CCDC169: variants seen among roughly 807,000 people sequenced by gnomAD.
CCDC169 encodes coiled-coil domain containing 169, also known as coiled-coil domain-containing protein 169.
A neutral mutation model predicts 36.0 loss-of-function variants in CCDC169; 30 were observed. The observed-to-expected ratio is 0.83, with a 90% CI of 0.62 to 1.13. The LOEUF is 1.13. Among genes scored for constraint, CCDC169 ranks in the 50% most tolerant of loss-of-function variants. The pLI is 0.00. For synonymous variants in CCDC169, 85 were observed against 81.5 expected (o/e 1.04, Z -0.23); for missense variants, 245 against 245.9 (o/e 1.00, Z 0.03).
intron 4 of CCDC169, among the ~76,000 whole-genome samples, chr13:36,270,795 A>G (rs1045477362): frequency 2.6e-5 from 4 of 152,138 alleles, no homozygotes; most frequent in Admixed American, 6.5e-5. Context: ...AGACTTACAT[A>G]TAAGATCTGA....
At chr13:36,262,768 G>T (rs142221580) in intron 4 of CCDC169, among the ~76,000 whole-genome samples, 1 of 152,314 alleles carries the variant, frequency 6.6e-6, no homozygotes, top group African/African-American at 2.4e-5. Context: ...TAGTGGCCTT[G>T]CTTTCTTGAA....
chr13:36,254,275 C>CTT (rs1368470201), intron 4 of CCDC169, 132 bp from the exon 5 acceptor site: 824 of 364,308 alleles, frequency 2.3e-3, no homozygotes, highest in Middle Eastern at 4.3e-3. Flanking sequence ...ATGATATGTA[C>CTT]TTTTTTTTTT....
At position 36,231,048 on chromosome 13, in the gene CCDC169, C is replaced by A; in HGVS notation, c.*145G>T. 7.0e-7 allele frequency: 1 copy of A among 1,420,480 alleles called. No individual in the cohort carries two copies. The highest frequency in any genetic ancestry group is 1.6e-5 in the South Asian group (1 of 62,802). 88.0% of individuals were successfully genotyped at this position (1,420,480 alleles called of 1,614,324 possible). On this transcript the variant is annotated 3_prime_UTR_variant, in exon 8 of 8. Transcript: ENST00000239859. ...TTACTTTTATGCAGACAAAGGAACA[C>A]ACGTCTGGAAAAGGAACTAAAGAAA...
intron 7 of CCDC169, among the ~76,000 whole-genome samples, chr13:36,232,131 T>C (rs1463838879): frequency 1.3e-5 from 2 of 152,198 alleles, no homozygotes; most frequent in African/African-American, 4.8e-5. Flanking sequence ...ACTTGCCCTA[T>C]GCCTATCCAC....
intron 4 of CCDC169, among the ~76,000 whole-genome samples, chr13:36,261,233 A>T (rs572246819): frequency 2.6e-4 from 40 of 152,134 alleles, no homozygotes; most frequent in Non-Finnish European, 4.6e-4. Context: ...AGTGGCTGAG[A>T]TGGCGACTTT....
intron 4 of CCDC169, among the ~76,000 whole-genome samples, chr13:36,256,093 C>A (rs1177366126): frequency 6.6e-6 from 1 of 152,180 alleles, no homozygotes; most frequent in East Asian, 1.9e-4. Context: ...CTTGGCTGGG[C>A]AGCTGTGCAG....
chr13:36,235,202 C>A (rs1257071558), intron 7 of CCDC169, among the ~76,000 whole-genome samples: 2 of 151,814 alleles, frequency 1.3e-5, no homozygotes, highest in East Asian at 3.9e-4. Context: ...ACCACTGAGA[C>A]CAAGACCAGA....
intron 4 of CCDC169, among the ~76,000 whole-genome samples, chr13:36,264,682 T>TA (rs1875049123): frequency 1.3e-5 from 2 of 152,314 alleles, no homozygotes; most frequent in South Asian, 2.1e-4. Flanking sequence ...CTTTGTGACT[T>TA]AGACTATATC....
intron 7 of CCDC169, among the ~76,000 whole-genome samples, chr13:36,248,336 C>T (rs1265765611): frequency 6.6e-6 from 1 of 151,760 alleles, no homozygotes; most frequent in Non-Finnish European, 1.5e-5. Flanking sequence ...GTTTTAAGTT[C>T]TCCTAGGTAC....
chr13:36,241,541 A>G (rs1256662400), intron 7 of CCDC169, among the ~76,000 whole-genome samples: 4 of 145,948 alleles, frequency 2.7e-5, no homozygotes, highest in Non-Finnish European at 6.0e-5. Flanking sequence ...CAATACTGAG[A>G]ATTATCCATA....
chr13:36,257,196 G>A (rs1874003533), intron 4 of CCDC169, among the ~76,000 whole-genome samples: 1 of 152,172 alleles, frequency 6.6e-6, no homozygotes, highest in Admixed American at 6.5e-5. Context: ...GCAATGCCTT[G>A]GGGGAGTGGA....
intron 7 of CCDC169, among the ~76,000 whole-genome samples, chr13:36,239,378 G>C (rs1202231941): frequency 6.6e-6 from 1 of 152,088 alleles, no homozygotes; most frequent in Non-Finnish European, 1.5e-5. Context: ...GTCAGTCATG[G>C]TCAACACAGT....
At chr13:36,282,651 A>G (rs1452507243) in intron 4 of CCDC169, 1 of 486,688 alleles carries the variant, frequency 2.1e-6, no homozygotes, top group Admixed American at 6.4e-5. Flanking sequence ...GTGGAGAAAT[A>G]TAATTCTCTG....
At chr13:36,263,894 T>A (rs1874921158) in intron 4 of CCDC169, among the ~76,000 whole-genome samples, 1 of 152,156 alleles carries the variant, frequency 6.6e-6, no homozygotes, top group African/African-American at 2.4e-5. Context: ...GAAGGGATAA[T>A]CAGGGGGTGA....
At position 36,278,506 on chromosome 13, in the gene CCDC169, C is replaced by A. The variant is rs554253501; in HGVS notation, c.315+4963G>T. Among the ~76,000 whole-genome samples, 9 of 152,256 alleles carry A rather than the reference C, an allele frequency of 5.9e-5. No homozygotes were observed. The South Asian group carries it at 1.9e-3, about 32-fold the overall frequency. On this transcript the variant is annotated intron_variant, in intron 4 of 7. Coordinates refer to ENST00000239859, the MANE Select transcript of CCDC169 (RefSeq NM_001144981.3). ...CTTTCTTCGCTTTTGAATAATTTGC[C>A]TGAACTCTGGACAACGTGTTTTATC...
At chr13:36,291,906 T>C (rs1476786781) in intron 2 of CCDC169, among the ~76,000 whole-genome samples, 1 of 152,180 alleles carries the variant, frequency 6.6e-6, no homozygotes, top group Non-Finnish European at 1.5e-5. Flanking sequence ...CCAAAGGTAT[T>C]TGGGCATAGA....
chr13:36,259,029 C>G (rs540543489), intron 4 of CCDC169, among the ~76,000 whole-genome samples: 27 of 152,272 alleles, frequency 1.8e-4, no homozygotes, highest in African/African-American at 5.8e-4. Flanking sequence ...TCCCTGCAGG[C>G]ACATCTAGAA....
intron 7 of CCDC169, among the ~76,000 whole-genome samples, chr13:36,237,441 T>C (rs1328633): frequency 0.41 from 61,542 of 151,892 alleles, 13,237 homozygotes; most frequent in Non-Finnish European, 0.48. Flanking sequence ...CTTCTAGGCA[T>C]GCACCAAAGA....
At chr13:36,265,713 G>A (rs1316922993) in intron 4 of CCDC169, among the ~76,000 whole-genome samples, 1 of 152,154 alleles carries the variant, frequency 6.6e-6, no homozygotes, top group East Asian at 1.9e-4. Flanking sequence ...TTTTTATTTG[G>A]TCTTTTCCCT....
Sources: allele counts gnomAD v4.1 joint callset (sites outside exome capture counted in the v4.1 genomes callset), GRCh38; gene constraint gnomAD v4.1.1; transcripts MANE v1.5; gene names NCBI Gene and HGNC (gene_info 2026-07-23, HGNC 2026-07-21).